The following CYTH3 variants were observed in gnomAD, a reference collection of about 807,000 sequenced individuals.
CYTH3 encodes cytohesin 3.
CYTH3 carries 23 observed loss-of-function variants against 55.1 expected under a neutral mutation model. That is an observed-to-expected ratio of 0.42 (90% CI 0.30 to 0.59). CYTH3 has a LOEUF of 0.59. Ranked by LOEUF, CYTH3 falls within the 20% of genes least tolerant of loss-of-function variation. The pLI is 0.20. For synonymous variants in CYTH3, 249 were observed against 194.9 expected, an observed-to-expected ratio of 1.28 and a Z score of -2.31; for missense variants, 413 against 524.8, an observed-to-expected ratio of 0.79 and a Z score of 2.08.
chr7:6,176,162 G>C (rs553726916), intron 5 of CYTH3, among the ~76,000 whole-genome samples: 1 of 148,888 alleles, frequency 6.7e-6, no homozygotes, highest in South Asian at 2.1e-4. Flanking sequence ...TTTATCCTAA[G>C]TATCTTATTC....
At chr7:6,248,242 C>T (rs185406073) in intron 1 of CYTH3, among the ~76,000 whole-genome samples, 1 of 149,192 alleles carries the variant, frequency 6.7e-6, no homozygotes, top group Non-Finnish European at 1.5e-5. Context: ...CAACCCCCCC[C>T]CAGCCAAAAA....
chr7:6,259,826 ATATATATT>A (rs1562418253), intron 1 of CYTH3, among the ~76,000 whole-genome samples: 6 of 22,782 alleles, frequency 2.6e-4, no homozygotes, highest in Admixed American at 8.4e-4. Flanking sequence ...ATATATATAT[ATATATATT>A]TTTTTTTTTT....
chr7:6,235,878 C>T (rs568142010), intron 1 of CYTH3, among the ~76,000 whole-genome samples: 8 of 152,124 alleles, frequency 5.3e-5, no homozygotes, highest in Non-Finnish European at 7.4e-5. Flanking sequence ...CAAAACAAAA[C>T]GACGAGTAAG....
chr7:6,173,536 T>A, intron 6 of CYTH3, 117 bp downstream of exon 6: 1 of 725,756 alleles, frequency 1.4e-6, no homozygotes. Flanking sequence ...GGAGCCAGCA[T>A]CTGTGAGACT....
At chr7:6,186,516 G>T (rs1783655061) in intron 4 of CYTH3, among the ~76,000 whole-genome samples, 1 of 152,210 alleles carries the variant, frequency 6.6e-6, no homozygotes, top group Admixed American at 6.5e-5. Context: ...TGAGGAAAGA[G>T]AAAGATGCTG....
rs564265018 is a variant in CYTH3, at chr7:6,171,501, C to T, written c.450-187G>A. On this transcript the variant is annotated intron_variant, in intron 6 of 12. Coordinates refer to ENST00000350796, the MANE Select transcript of CYTH3 (RefSeq NM_004227.4). This position sits in a 1 kb window ranked among gnomAD's most constrained non-coding sequence, Gnocchi z 6.7. ...GACAGTCTCCTTCCGTTCCATAACT[C>T]GAGACACGCTTACTGATGGCTCATC... Among the ~76,000 whole-genome samples, 221 of 152,268 alleles carry T rather than the reference C, an allele frequency of 1.5e-3. 2 individuals are homozygous for T. Among genetic ancestry groups the T allele is most frequent in the Non-Finnish European group, 2.1e-3 (145 of 68,018 alleles).
rs1012862309 is a variant in CYTH3, at chr7:6,164,885, G to C, written c.*59C>G. On this transcript the variant is annotated 3_prime_UTR_variant, in exon 13 of 13. Transcript: ENST00000350796. ...CTGCCACGCCTTCCGCGGAGGGGCCGCCCGCGGTGTCTTTCTGCTGGGGTT... is the reference window on the plus strand; with the variant it reads ...CTGCCACGCCTTCCGCGGAGGGGCCCCCCGCGGTGTCTTTCTGCTGGGGTT... 18 of 1,590,758 alleles carry C rather than the reference G, an allele frequency of 1.1e-5. No individual in the cohort carries two copies. The South Asian group carries it at 2.0e-4, about 18-fold the overall frequency.
At chr7:6,219,269 T>TA (rs780735132) in intron 1 of CYTH3, among the ~76,000 whole-genome samples, 1 of 152,180 alleles carries the variant, frequency 6.6e-6, no homozygotes, top group Non-Finnish European at 1.5e-5. Flanking sequence ...TGAACTTGGA[T>TA]ATTTAATTGA....
chr7:6,268,140 T>C (rs151293664), intron 1 of CYTH3, among the ~76,000 whole-genome samples: 2 of 152,030 alleles, frequency 1.3e-5, no homozygotes, highest in African/African-American at 4.8e-5. Flanking sequence ...GAGCACGCAA[T>C]GCACACTTTC....
rs971044751 is a variant in CYTH3 at position 6,167,594 on chromosome 7, GC to G, written c.824-1785del. On this transcript the variant is annotated intron_variant, in intron 9 of 12. Coordinates refer to ENST00000350796, the MANE Select transcript of CYTH3 (RefSeq NM_004227.4). This position sits in a 1 kb window ranked among gnomAD's most constrained non-coding sequence, Gnocchi z 5.5. ...GGCAATCATGCCCCTCCGGCTTGAAGCCCCCCAAAGGGTCCCACTGCACTCA... is the reference window on the plus strand; with the variant it reads ...GGCAATCATGCCCCTCCGGCTTGAAGCCCCCAAAGGGTCCCACTGCACTCA... Among the ~76,000 whole-genome samples, 2 of 152,206 alleles carry G rather than the reference GC, an allele frequency of 1.3e-5. No individual in the cohort carries two copies. Among genetic ancestry groups the G allele is most frequent in the Non-Finnish European group, 2.9e-5 (2 of 68,036 alleles).
chr7:6,249,188 T>A (rs1356379145), intron 1 of CYTH3, among the ~76,000 whole-genome samples: 1 of 152,212 alleles, frequency 6.6e-6, no homozygotes, highest in Non-Finnish European at 1.5e-5. Context: ...GTTCACTATG[T>A]TCTGTGTTTG....
chr7:6,270,937 C>A (rs10251387), intron 1 of CYTH3, among the ~76,000 whole-genome samples: 5,481 of 152,224 alleles, frequency 0.036, 222 homozygotes, highest in African/African-American at 0.096. Context: ...AAGCACCTTA[C>A]AAACAAAACT....
At chr7:6,168,373 A>G (rs868158185) in intron 9 of CYTH3, among the ~76,000 whole-genome samples, 5 of 152,076 alleles carry the variant, frequency 3.3e-5, no homozygotes, top group South Asian at 4.2e-4. Context: ...AAGCAAATCT[A>G]CAATAAGAAT....
intron 1 of CYTH3, among the ~76,000 whole-genome samples, chr7:6,217,073 C>T (rs893559953): frequency 6.6e-6 from 1 of 151,996 alleles, no homozygotes; most frequent in Admixed American, 6.6e-5. Context: ...CCACCACACC[C>T]AGCTAATTTT....
At chr7:6,250,588 T>C (rs1779936084) in intron 1 of CYTH3, among the ~76,000 whole-genome samples, 1 of 151,868 alleles carries the variant, frequency 6.6e-6, no homozygotes, top group African/African-American at 2.4e-5. Context: ...GAGTGAAAAA[T>C]GCCAAACACA....
chr7:6,172,872 G>A (rs770468073), intron 6 of CYTH3: 47 of 1,263,618 alleles, frequency 3.7e-5, no homozygotes, highest in Non-Finnish European at 4.8e-5. Context: ...AACATCACGA[G>A]GGTCCCACAA....
At chr7:6,226,875 TCG>T (rs1779268353) in intron 1 of CYTH3, among the ~76,000 whole-genome samples, 1 of 152,128 alleles carries the variant, frequency 6.6e-6, no homozygotes, top group Non-Finnish European at 1.5e-5. Context: ...GGTCAGGAGA[TCG>T]AGACCATCCT....
At chr7:6,252,608 T>C (rs1483376839) in intron 1 of CYTH3, among the ~76,000 whole-genome samples, 1 of 152,128 alleles carries the variant, frequency 6.6e-6, no homozygotes, top group Non-Finnish European at 1.5e-5. Context: ...CATCACCGGA[T>C]ACATGAACAA....
chr7:6,223,836 TAAAAAAAAA>T (rs58813864), intron 1 of CYTH3, among the ~76,000 whole-genome samples: 4 of 24,282 alleles, frequency 1.6e-4, no homozygotes, highest in Non-Finnish European at 3.6e-4. Flanking sequence ...CAATAAATAC[TAAAAAAAAA>T]AAAAAAAAAA....
Sources: gnomAD v4.1 joint callset for allele counts (sites outside exome capture counted in the v4.1 genomes callset) on GRCh38, gnomAD v4.1.1 for gene constraint, Gnocchi (gnomAD v3.1) non-coding constraint, MANE v1.5 for transcripts, NCBI Gene and HGNC (gene_info 2026-07-23, HGNC 2026-07-21) for gene names.